The following FARS2 variants were observed in gnomAD, a reference collection of about 807,000 sequenced individuals.
FARS2 encodes the protein phenylalanine--tRNA ligase, mitochondrial.
FARS2 carries 40 observed loss-of-function variants against 46.4 expected under a neutral mutation model. The observed-to-expected ratio is 0.86, with a 90% CI of 0.67 to 1.12. The LOEUF (loss-of-function observed/expected upper bound fraction) is 1.12. FARS2 is among the 50% of genes most tolerant of loss of function. The pLI, the probability that FARS2 is intolerant of heterozygous loss-of-function variation, is 0.00. For synonymous variants in FARS2, 234 were observed against 214.9 expected (o/e 1.09, Z -0.78); for missense variants, 513 against 567.9 (o/e 0.90, Z 0.98).
chr6:5,406,294 C>T (rs1314427158), intron 3 of FARS2, among the ~76,000 whole-genome samples: 1 of 152,194 alleles, frequency 6.6e-6, no homozygotes, highest in African/African-American at 2.4e-5. Context: ...ATACAATGAA[C>T]TGCACACGAA....
chr6:5,555,591 TG>T (rs1226185199), intron 5 of FARS2, among the ~76,000 whole-genome samples: 17 of 152,180 alleles, frequency 1.1e-4, no homozygotes, highest in African/African-American at 4.1e-4. Flanking sequence ...AGACTTAATG[TG>T]GGATTTTGCA....
chr6:5,440,016 G>A (rs1295192383), intron 4 of FARS2, among the ~76,000 whole-genome samples: 1 of 152,144 alleles, frequency 6.6e-6, no homozygotes, highest in Admixed American at 6.5e-5. Context: ...GGAGATGTCT[G>A]TTCAAATATT....
At chr6:5,621,168 A>T (rs1337442421) in intron 6 of FARS2, among the ~76,000 whole-genome samples, 1 of 151,594 alleles carries the variant, frequency 6.6e-6, no homozygotes, top group Non-Finnish European at 1.5e-5. Context: ...CCCAGGCTGG[A>T]GTGCAACTCC....
chr6:5,339,395 C>T (rs550890448), intron 1 of FARS2, among the ~76,000 whole-genome samples: 16 of 151,536 alleles, frequency 1.1e-4, no homozygotes, highest in African/African-American at 3.6e-4. Flanking sequence ...TTTTGTTTAT[C>T]GTGCATACCA....
At chr6:5,731,624 T>G in intron 6 of FARS2, among the ~76,000 whole-genome samples, 1 of 152,198 alleles carries the variant, frequency 6.6e-6, no homozygotes, top group East Asian at 1.9e-4. Flanking sequence ...CACCATGTCA[T>G]AGCAGGGCAG....
chr6:5,552,594 C>T (rs150178733), intron 5 of FARS2, among the ~76,000 whole-genome samples: 1 of 152,278 alleles, frequency 6.6e-6, no homozygotes, highest in Non-Finnish European at 1.5e-5. Flanking sequence ...TGAGTCCTCA[C>T]CTGTGTGACT....
At chr6:5,689,269 T>C (rs1298267299) in intron 6 of FARS2, among the ~76,000 whole-genome samples, 1 of 152,250 alleles carries the variant, frequency 6.6e-6, no homozygotes, top group Non-Finnish European at 1.5e-5. Context: ...CTTGCTTCTC[T>C]AGTTCTTTTA....
intron 6 of FARS2, among the ~76,000 whole-genome samples, chr6:5,712,059 T>C (rs1425418046): frequency 6.6e-6 from 1 of 152,160 alleles, no homozygotes; most frequent in African/African-American, 2.4e-5. Context: ...AATTACATAA[T>C]TAAAACAAAG....
chr6:5,617,748 A>G (rs762600820), intron 6 of FARS2, among the ~76,000 whole-genome samples: 53 of 152,168 alleles, frequency 3.5e-4, no homozygotes, highest in Non-Finnish European at 5.4e-4. Flanking sequence ...GACTGTATGG[A>G]GTGGAGCAAC....
intron 4 of FARS2, among the ~76,000 whole-genome samples, chr6:5,510,108 G>A (rs1331151068): frequency 6.6e-6 from 1 of 152,146 alleles, no homozygotes; most frequent in Non-Finnish European, 1.5e-5. Flanking sequence ...CTGGGGTTTG[G>A]AGGGGTTTTT....
At chr6:5,703,607 C>G (rs1235760683) in intron 6 of FARS2, among the ~76,000 whole-genome samples, 1 of 152,194 alleles carries the variant, frequency 6.6e-6, no homozygotes, top group Non-Finnish European at 1.5e-5. Context: ...ACCTCTTCCT[C>G]CCTCTACCCA....
intron 3 of FARS2, among the ~76,000 whole-genome samples, chr6:5,425,923 C>T (rs79359784): frequency 1.5e-3 from 230 of 152,282 alleles, no homozygotes; most frequent in Middle Eastern, 6.8e-3. Flanking sequence ...TCATTATCCA[C>T]GGTGTAGAGA....
chr6:5,371,990 T>G (rs1759092948), intron 2 of FARS2, among the ~76,000 whole-genome samples: 1 of 151,868 alleles, frequency 6.6e-6, no homozygotes, highest in Non-Finnish European at 1.5e-5. Context: ...ATCAAGCAAA[T>G]AATTATCAAA....
At chr6:5,441,915 A>G (rs1002121386) in intron 4 of FARS2, among the ~76,000 whole-genome samples, 3 of 152,162 alleles carry the variant, frequency 2.0e-5, no homozygotes, top group African/African-American at 7.2e-5. Flanking sequence ...ACGTTGTTCA[A>G]CTTATTTTGG....
At position 5,735,470 on chromosome 6, in the gene FARS2, G is replaced by A. The variant is rs146726910; in HGVS notation, c.1218-35821G>A. ...TCCAGGCCCACTCCTGACTCCATCC[G>A]CTCCATCGCTCCTTGCTGCCTGGGT... is the stretch of plus-strand genomic sequence containing the variant. On this transcript the variant is annotated intron_variant, in intron 6 of 6. Coordinates refer to ENST00000274680, the MANE Select transcript of FARS2 (RefSeq NM_006567.5). Among the ~76,000 whole-genome samples the A allele has an allele frequency of 1.4e-4, 21 of 152,242 alleles. No individual in the cohort carries two copies. The East Asian group carries it at 2.3e-3, about 17-fold the overall frequency.
At chr6:5,541,681 A>C (rs1438269893) in intron 4 of FARS2, among the ~76,000 whole-genome samples, 1 of 152,128 alleles carries the variant, frequency 6.6e-6, no homozygotes, top group Non-Finnish European at 1.5e-5. Context: ...ACCCCAAGAG[A>C]GTGTTCTTGG....
chr6:5,636,584 A>C (rs1776557541), intron 6 of FARS2, among the ~76,000 whole-genome samples: 1 of 152,254 alleles, frequency 6.6e-6, no homozygotes, highest in Non-Finnish European at 1.5e-5. Flanking sequence ...AAGGCAAAGA[A>C]TGGCAGTCTG....
intron 6 of FARS2, among the ~76,000 whole-genome samples, chr6:5,739,762 AG>A (rs1314236150): frequency 1.3e-5 from 2 of 152,214 alleles, no homozygotes; most frequent in Non-Finnish European, 2.9e-5. Flanking sequence ...CCAGAACGGT[AG>A]GTCAGGCAGG....
chr6:5,725,022 G>A (rs568090253), intron 6 of FARS2, among the ~76,000 whole-genome samples: 23 of 152,330 alleles, frequency 1.5e-4, no homozygotes, highest in Non-Finnish European at 2.1e-4. Flanking sequence ...GAAGTTTCTC[G>A]CTATTACCGT....
Sources: gnomAD v4.1 joint callset for allele counts (sites outside exome capture counted in the v4.1 genomes callset) on GRCh38, gnomAD v4.1.1 for gene constraint, MANE v1.5 for transcripts, NCBI Gene and HGNC (gene_info 2026-07-23, HGNC 2026-07-21) for gene names.